Variants in LRRC37A2 observed in about 807,000 individuals in gnomAD.
LRRC37A2 encodes the protein leucine-rich repeat-containing protein 37A2.
LRRC37A2 carries 9 observed loss-of-function variants against 68.8 expected under a neutral mutation model. That is an observed-to-expected ratio of 0.13 (90% CI 0.08 to 0.23). The LOEUF is 0.23. Among genes scored for constraint, LRRC37A2 ranks in the 10% least tolerant of loss-of-function variants. LRRC37A2 has a pLI of 1.00. For missense variants in LRRC37A2, 168 were observed against 950.4 expected (o/e 0.18, Z 10.82); for synonymous variants, 63 against 367.6 (o/e 0.17, Z 9.48).
chr17:47,000,761 T>C, the LRRC37A2 span, among the ~76,000 whole-genome samples: 1 of 152,086 alleles, frequency 6.6e-6, no homozygotes, highest in South Asian at 2.1e-4. Context: ...TGGGAGGCCT[T>C]CCAAAGTCAC....
the LRRC37A2 span, among the ~76,000 whole-genome samples, chr17:46,958,367 T>G: frequency 1.3e-5 from 2 of 152,220 alleles, no homozygotes; most frequent in Admixed American, 6.5e-5. Flanking sequence ...TCCTGACAGT[T>G]GCAACAGCGG....
At chr17:46,748,766 CTTGTGATTGTTTT>C in the LRRC37A2 span, among the ~76,000 whole-genome samples, 3 of 152,092 alleles carry the variant, frequency 2.0e-5, no homozygotes, top group Admixed American at 6.5e-5. Context: ...TGAAAGGAGA[CTTGTGATTGTTTT>C]AGAGACAAAC....
chr17:46,785,321 T>G, the LRRC37A2 span, among the ~76,000 whole-genome samples: 1 of 152,200 alleles, frequency 6.6e-6, no homozygotes, highest in Non-Finnish European at 1.5e-5. Context: ...TCACCCTGCA[T>G]TGTGTCACTA....
the LRRC37A2 span, among the ~76,000 whole-genome samples, chr17:46,727,565 A>AT: frequency 6.6e-6 from 1 of 151,966 alleles, no homozygotes; most frequent in African/African-American, 2.4e-5. Context: ...TCTGTTATTT[A>AT]TTTTTTTAAG....
the LRRC37A2 span, among the ~76,000 whole-genome samples, chr17:46,733,732 C>T: frequency 0.026 from 3,998 of 152,266 alleles, 171 homozygotes; most frequent in African/African-American, 0.09. Context: ...TCATTTGAAG[C>T]TCAACGATTG....
chr17:46,549,236 G>C (rs2056550959), exon 10 of LRRC37A2: 2 of 1,611,116 alleles, frequency 1.2e-6, no homozygotes, highest in African/African-American at 2.7e-5. Context: ...GGAGACCTGA[G>C]TCCTCAAGAA....
At chr17:46,756,005 G>A in the LRRC37A2 span, 1 of 592,088 alleles carries the variant, frequency 1.7e-6, no homozygotes, top group Non-Finnish European at 2.9e-6. Flanking sequence ...AGATAGCTTA[G>A]TGTCTCGTGG....
At chr17:46,880,600 G>A in the LRRC37A2 span, among the ~76,000 whole-genome samples, 1 of 152,156 alleles carries the variant, frequency 6.6e-6, no homozygotes, top group Admixed American at 6.5e-5. Flanking sequence ...TTTGCACATT[G>A]GACATGGTCC....
the LRRC37A2 span, among the ~76,000 whole-genome samples, chr17:46,679,424 G>T: frequency 7.5e-6 from 1 of 133,870 alleles, no homozygotes; most frequent in Non-Finnish European, 1.6e-5. Context: ...GGAAAAAAAC[G>T]TTTGGGAAGT....
chr17:46,490,043 G>A, the LRRC37A2 span, among the ~76,000 whole-genome samples: 3 of 150,742 alleles, frequency 2.0e-5, no homozygotes, highest in Non-Finnish European at 4.4e-5. Context: ...ACTTGAGTTT[G>A]GACCATAGAG....
chr17:46,885,621 T>A, the LRRC37A2 span: 2 of 152,334 alleles, frequency 1.3e-5, no homozygotes, highest in South Asian at 4.1e-4. Context: ...ATTTTGTGTA[T>A]GTTTTGAGTG....
the LRRC37A2 span, among the ~76,000 whole-genome samples, chr17:46,837,190 C>T: frequency 1.3e-5 from 2 of 152,000 alleles, no homozygotes; most frequent in African/African-American, 4.8e-5. Flanking sequence ...ATCTGCCCGC[C>T]GCGGCCCCCC....
At chr17:46,818,666 G>C in the LRRC37A2 span, 5 of 1,399,442 alleles carry the variant, frequency 3.6e-6, no homozygotes, top group Non-Finnish European at 5.0e-6. Context: ...CCAATAGTTG[G>C]AACAAAGTCC....
chr17:46,691,388 A>T, the LRRC37A2 span, among the ~76,000 whole-genome samples: 6 of 107,294 alleles, frequency 5.6e-5, no homozygotes, highest in East Asian at 1.2e-3. Context: ...TGAGGTCAGG[A>T]GTTCGAGACC....
the LRRC37A2 span, among the ~76,000 whole-genome samples, chr17:46,974,285 CT>C: frequency 3.3e-5 from 5 of 152,060 alleles, no homozygotes; most frequent in African/African-American, 1.2e-4. Context: ...CACCCAGTGC[CT>C]GGCACAGTGC....
chr17:46,843,436 GA>G, the LRRC37A2 span, among the ~76,000 whole-genome samples: 1,040 of 149,924 alleles, frequency 6.9e-3, 20 homozygotes, highest in Admixed American at 0.033. Flanking sequence ...AAGAAGGACT[GA>G]AAAAAAAAAT....
the LRRC37A2 span, among the ~76,000 whole-genome samples, chr17:46,707,130 C>T: frequency 2.0e-5 from 3 of 152,158 alleles, no homozygotes; most frequent in Non-Finnish European, 4.4e-5. Flanking sequence ...GGATTACAGG[C>T]GTGAGCCACT....
At chr17:46,588,716 T>C in the LRRC37A2 span, among the ~76,000 whole-genome samples, 1 of 47,266 alleles carries the variant, frequency 2.1e-5, no homozygotes, top group Non-Finnish European at 3.9e-5. Flanking sequence ...AGGATACAAC[T>C]GTTAAGCTTA....
chr17:46,854,341 T>C, the LRRC37A2 span, among the ~76,000 whole-genome samples: 1 of 152,328 alleles, frequency 6.6e-6, no homozygotes, highest in East Asian at 1.9e-4. Context: ...TCATTTGCAT[T>C]TGATTATAAC....
Sources: gnomAD v4.1 joint callset for allele counts (sites outside exome capture counted in the v4.1 genomes callset) on GRCh38, gnomAD v4.1.1 for gene constraint, MANE v1.5 for transcripts, NCBI Gene and HGNC (gene_info 2026-07-23, HGNC 2026-07-21) for gene names.